Variants in M1AP observed in about 807,000 individuals in gnomAD.
M1AP encodes meiosis 1 arrest protein.
Under a neutral mutation model 51.2 loss-of-function variants are expected in M1AP, and 39 were observed. The ratio of observed to expected loss-of-function variants is 0.76; its 90% CI spans 0.59 to 1.00. The LOEUF is 1.00. Among genes scored for constraint, M1AP ranks in the 50% least tolerant of loss-of-function variants. The pLI, the probability that M1AP is intolerant of heterozygous loss-of-function variation, is 0.00. For missense variants in M1AP, 545 were observed against 641.2 expected, an observed-to-expected ratio of 0.85 and a Z score of 1.62; for synonymous variants, 251 against 249.2, an observed-to-expected ratio of 1.01 and a Z score of -0.07.
intron 7 of M1AP, among the ~76,000 whole-genome samples, chr2:74,570,457 G>C (rs1274809600): frequency 6.6e-6 from 1 of 152,196 alleles, no homozygotes; most frequent in African/African-American, 2.4e-5. Context: ...AGTTTGGGTA[G>C]TCAAATTATA....
At chr2:74,568,169 G>T (rs1474476615) in intron 7 of M1AP, among the ~76,000 whole-genome samples, 2 of 152,210 alleles carry the variant, frequency 1.3e-5, no homozygotes, top group Non-Finnish European at 2.9e-5. Flanking sequence ...TGAAAACATG[G>T]TGAAGCCGGC....
chr2:74,638,834 T>C (rs1031346004), intron 2 of M1AP, among the ~76,000 whole-genome samples: 1 of 152,246 alleles, frequency 6.6e-6, no homozygotes, highest in Non-Finnish European at 1.5e-5. Context: ...AACTATGAGA[T>C]GATGTTTATT....
intron 2 of M1AP, among the ~76,000 whole-genome samples, chr2:74,639,105 T>G (rs553650098): frequency 1.6e-4 from 25 of 152,294 alleles, no homozygotes; most frequent in Admixed American, 5.2e-4. Context: ...TAAGGTTCTG[T>G]CAAAGCAACC....
At chr2:74,609,570 T>C (rs539723500) in intron 3 of M1AP, among the ~76,000 whole-genome samples, 13 of 152,370 alleles carry the variant, frequency 8.5e-5, no homozygotes, top group South Asian at 2.1e-4. Flanking sequence ...TTTGGGTATA[T>C]ACCCAGTAGT....
At position 74,597,016 on chromosome 2, in the gene M1AP, T is replaced by C. The variant is rs543749217; in HGVS notation, c.595+10039A>G. On this transcript the variant is annotated intron_variant, in intron 4 of 10. Transcript: ENST00000421985. ...TTTTGAGGATGAGGGAAATGTTCTGTATATTGATCGTGATGATGATTTGTG... is the reference window on the plus strand; with the variant it reads ...TTTTGAGGATGAGGGAAATGTTCTGCATATTGATCGTGATGATGATTTGTG... 3.3e-5 allele frequency among the ~76,000 whole-genome samples: 5 copies of C among 152,306 alleles called. No homozygotes were observed. The East Asian group carries it at 7.7e-4, about 23-fold the overall frequency.
At chr2:74,648,236 C>T (rs1438414773) in intron 1 of M1AP, 29 bp downstream of exon 1, 1 of 976,970 alleles carries the variant, frequency 1.0e-6, no homozygotes, top group South Asian at 4.7e-5. Flanking sequence ...TCGGGCTGCC[C>T]TCCCTCCCCG....
At chr2:74,568,762 G>A (rs1056690036) in intron 7 of M1AP, among the ~76,000 whole-genome samples, 1 of 152,214 alleles carries the variant, frequency 6.6e-6, no homozygotes, top group Non-Finnish European at 1.5e-5. Flanking sequence ...AAAGGGAGGG[G>A]ATATACATAA....
chr2:74,648,305 G>T lies in M1AP; in HGVS notation c.-93C>A, dbSNP rs1044008241. ...GGAGGCCCCCTCACCTGGTCCTCCC[G>T]GCTCTCAGCGTGCGCCCGCGCGTTC... On this transcript the variant is annotated 5_prime_UTR_variant, in exon 1 of 11. Transcript: ENST00000421985. The T allele has an allele frequency of 2.3e-5, 23 of 985,372 alleles. No homozygotes were observed. In the African/African-American group the frequency reaches 3.7e-4, roughly 16 times the overall value. The allele number at this position is 985,372 out of a possible 1,614,324, so 61.0% of individuals were successfully genotyped here. A position where few individuals can be genotyped will look rare whatever the true frequency, so the allele number is the denominator to read the frequency against.
chr2:74,643,750 T>C (rs750964792), intron 1 of M1AP, among the ~76,000 whole-genome samples: 1 of 151,974 alleles, frequency 6.6e-6, no homozygotes, highest in Non-Finnish European at 1.5e-5. Context: ...TGCACCACAA[T>C]GCCTCTCTAA....
At chr2:74,559,762 G>C (rs1573049533) in intron 9 of M1AP, 53 bp from the exon 10 acceptor site, 1 of 717,066 alleles carries the variant, frequency 1.4e-6, no homozygotes, top group East Asian at 2.7e-5. Flanking sequence ...CATAAAACCT[G>C]GCAAATGACT....
chr2:74,634,544 C>A lies in M1AP; in HGVS notation c.240+5492G>T, dbSNP rs534407407. Among the ~76,000 whole-genome samples, 4 of 152,264 alleles carry A rather than the reference C, an allele frequency of 2.6e-5. No homozygotes were observed. The East Asian group carries it at 7.7e-4, about 29-fold the overall frequency. ...ATTTCTTCGTGTCCAAGCTGCATGCCTTTTATTTCCTTTTCTTACCTTATT... is the reference window on the plus strand; with the variant it reads ...ATTTCTTCGTGTCCAAGCTGCATGCATTTTATTTCCTTTTCTTACCTTATT... On this transcript the variant is annotated intron_variant, in intron 2 of 10. Coordinates refer to ENST00000421985, the MANE Select transcript of M1AP (RefSeq NM_001321739.2).
At chr2:74,621,090 C>G (rs1290233645) in intron 2 of M1AP, 1 of 151,384 alleles carries the variant, frequency 6.6e-6, no homozygotes, top group Non-Finnish European at 1.5e-5. Flanking sequence ...TCCTGGCTAA[C>G]ATGGTGAAAC....
At position 74,638,798 on chromosome 2, in the gene M1AP, C is replaced by A. The variant is rs556064079; in HGVS notation, c.240+1238G>T. Among the ~76,000 whole-genome samples, 161 of 152,302 alleles carry A rather than the reference C, an allele frequency of 1.1e-3. No individual in the cohort carries two copies. The Middle Eastern group carries it at 0.02, about 19-fold the overall frequency. ...GGACCCCAAGCCTGATCTACCTAAG[C>A]CACTTATGAATTCCTAACTCATAGT... On this transcript the variant is annotated intron_variant, in intron 2 of 10. Transcript: ENST00000421985.
chr2:74,632,791 C>T (rs141627809), intron 2 of M1AP, among the ~76,000 whole-genome samples: 1 of 152,282 alleles, frequency 6.6e-6, no homozygotes, highest in East Asian at 1.9e-4. Flanking sequence ...CTTAGTTGAG[C>T]TTCTGACAAG....
At chr2:74,560,778 T>A (rs1205924845) in intron 8 of M1AP, among the ~76,000 whole-genome samples, 2 of 151,852 alleles carry the variant, frequency 1.3e-5, no homozygotes, top group Admixed American at 1.3e-4. Context: ...GGCCACAACA[T>A]CCTGTGCCAG....
intron 3 of M1AP, among the ~76,000 whole-genome samples, chr2:74,613,313 T>C (rs994909113): frequency 6.6e-6 from 1 of 152,194 alleles, no homozygotes; most frequent in African/African-American, 2.4e-5. Context: ...AACTGTGTTT[T>C]TTTGTCTTTT....
At chr2:74,599,541 G>C (rs2104669132) in intron 4 of M1AP, among the ~76,000 whole-genome samples, 1 of 152,094 alleles carries the variant, frequency 6.6e-6, no homozygotes, top group East Asian at 1.9e-4. Context: ...TGCCATGTCA[G>C]CCAAGCCACA....
Position 74,572,342 on chromosome 2 carries a change from C to A in M1AP, c.1074+3096G>T, listed in dbSNP as rs114207113. 8.5e-3 allele frequency among the ~76,000 whole-genome samples: 1,287 copies of A among 152,278 alleles called. 21 individuals are homozygous for A. Among genetic ancestry groups the A allele is most frequent in the African/African-American group, 0.029 (1,210 of 41,546 alleles). ...TAAATTTTCTTTCTTTCCCACCCCC[C>A]CTAAGCAGTGTCTCCCTCTGTCGCC... On this transcript the variant is annotated intron_variant, in intron 7 of 10. Transcript: ENST00000421985.
intron 1 of M1AP, among the ~76,000 whole-genome samples, chr2:74,646,495 A>G (rs984521200): frequency 1.1e-4 from 16 of 152,196 alleles, no homozygotes; most frequent in African/African-American, 3.6e-4. Context: ...TCCTACAGAA[A>G]GGGCCACTGG....
Sources: allele counts gnomAD v4.1 joint callset (sites outside exome capture counted in the v4.1 genomes callset), GRCh38; gene constraint gnomAD v4.1.1; transcripts MANE v1.5; gene names NCBI Gene and HGNC (gene_info 2026-07-23, HGNC 2026-07-21).